EOGT: variants seen among roughly 807,000 people sequenced by gnomAD.
EOGT encodes the protein EGF domain-specific O-linked N-acetylglucosamine transferase.
Under a neutral mutation model 70.5 loss-of-function variants are expected in EOGT, and 55 were observed. That is an observed-to-expected ratio of 0.78 (90% CI 0.63 to 0.98). The LOEUF (loss-of-function observed/expected upper bound fraction) is 0.98. Among genes scored for constraint, EOGT ranks in the 50% least tolerant of loss-of-function variants. The probability of loss-of-function intolerance (pLI) is 0.00; values close to 1 mark genes in which losing one functional copy is unlikely to be tolerated. For missense variants in EOGT, 703 were observed against 641.9 expected (o/e 1.10, Z -1.03); for synonymous variants, 246 against 217.1 (o/e 1.13, Z -1.17).
intron 10 of EOGT, among the ~76,000 whole-genome samples, chr3:68,993,233 GCT>G (rs922982713): frequency 1.5e-4 from 23 of 152,284 alleles, no homozygotes; most frequent in African/African-American, 5.3e-4. Flanking sequence ...GAACTTTGAT[GCT>G]CTGTTTCCCT....
chr3:68,987,585 A>G, intron 13 of EOGT, 72 bp from the exon 14 acceptor site: 4 of 1,148,348 alleles, frequency 3.5e-6, no homozygotes, highest in Non-Finnish European at 5.2e-6. Flanking sequence ...TGAACCCAAA[A>G]TGTGATTTTC....
Position 68,988,969 on chromosome 3 carries a change from T to TA in EOGT, c.879dup (p.Thr294TyrfsTer2). On this transcript the variant is annotated frameshift_variant, in exon 11 of 18. Coordinates refer to ENST00000383701, the MANE Select transcript of EOGT (RefSeq NM_001278689.2). LOFTEE classifies it high-confidence loss of function. Reference sequence around the variant, plus strand: ...TTCAAATGTATAACGTCATAATCAGTAAATGCATTCCATGTGTCGGAGAAT... The same window carrying TA: ...TTCAAATGTATAACGTCATAATCAGTAAAATGCATTCCATGTGTCGGAGAAT... 1.3e-6 allele frequency: 2 copies of TA among 1,532,466 alleles called. No individual in the cohort carries two copies. Among genetic ancestry groups the TA allele is most frequent in the Non-Finnish European group, 1.7e-6 (2 of 1,145,046 alleles). The allele number at this position is 1,532,466 out of a possible 1,614,324, so 94.9% of individuals were successfully genotyped here. A position where few individuals can be genotyped will look rare whatever the true frequency, so the allele number is the denominator to read the frequency against.
chr3:68,988,826 G>T, intron 11 of EOGT, 99 bp downstream of exon 11: 1 of 672,204 alleles, frequency 1.5e-6, no homozygotes, highest in Non-Finnish European at 2.4e-6. Flanking sequence ...AGAAATCAGT[G>T]GTAATGGCTA....
chr3:68,979,696 G>T lies in EOGT; in HGVS notation c.1306C>A (p.Leu436Ile). ...HGAGLTHLLF[L>I]PDWAAVFELY... Reference sequence around the variant, plus strand: ...TCAAATACAGCAGCCCAGTCTGGAAGGAAAAGTAAATGGGTCAGACCAGCT... The same window carrying T: ...TCAAATACAGCAGCCCAGTCTGGAATGAAAAGTAAATGGGTCAGACCAGCT... The change falls in exon 16 of 18, where the codon CTT becomes ATT. Residue 436 changes from leucine to isoleucine, a missense_variant. Coordinates refer to ENST00000383701, the MANE Select transcript of EOGT (RefSeq NM_001278689.2). 6.2e-7 allele frequency: 1 copy of T among 1,613,882 alleles called. No homozygotes were observed. Among genetic ancestry groups the T allele is most frequent in the East Asian group, 2.2e-5 (1 of 44,826 alleles).
In EOGT at chr3:68,977,592, T is replaced by C. The variant is rs761730779; in HGVS notation, c.*26A>G. ...TGGGTGTTGGAGTGTTTAAACACTC[T>C]CTTTTTGCAAACAGACTCAGCATAT... On this transcript the variant is annotated 3_prime_UTR_variant, in exon 18 of 18. Transcript: ENST00000383701. 2 of 1,612,824 alleles carry C rather than the reference T, an allele frequency of 1.2e-6. No individual in the cohort carries two copies. The highest frequency in any genetic ancestry group is 1.7e-6 in the Non-Finnish European group (2 of 1,179,378).
At chr3:68,984,088 T>C (rs184105124) in intron 14 of EOGT, among the ~76,000 whole-genome samples, 30 of 152,328 alleles carry the variant, frequency 2.0e-4, no homozygotes, top group Non-Finnish European at 4.1e-4. Flanking sequence ...AGCTCCCAAA[T>C]GCACAGCCAA....
chr3:69,000,308 G>A (rs901210319), intron 9 of EOGT, among the ~76,000 whole-genome samples: 38 of 152,090 alleles, frequency 2.5e-4, no homozygotes, highest in Non-Finnish European at 1.6e-4. Flanking sequence ...AATGAGACAT[G>A]TCTACTCTAG....
In EOGT at chr3:68,999,271, T is replaced by C. The variant is rs116224647; in HGVS notation, c.728-1157A>G. The stretch of plus-strand genomic sequence containing the variant: ...TGAATGAAGACTAGCTGGATCCCAC[T>C]AGGTCAGATAGAGTGGAGAGGGTTG... On this transcript the variant is annotated intron_variant, in intron 9 of 17. Transcript: ENST00000383701. Among the ~76,000 whole-genome samples the C allele has an allele frequency of 1.7e-3, 260 of 152,326 alleles. 1 individual carries two copies. Among genetic ancestry groups the C allele is most frequent in the African/African-American group, 6.0e-3 (251 of 41,572 alleles).
At chr3:69,007,847 G>T in intron 5 of EOGT, 26 bp from the exon 6 acceptor site, 1 of 1,524,204 alleles carries the variant, frequency 6.6e-7, no homozygotes, top group South Asian at 1.2e-5. Flanking sequence ...AATATTCTGT[G>T]TTTTTTTCTT....
intron 15 of EOGT, among the ~76,000 whole-genome samples, chr3:68,980,460 T>C (rs897829896): frequency 6.6e-6 from 1 of 152,208 alleles, no homozygotes; most frequent in Non-Finnish European, 1.5e-5. Flanking sequence ...GTGTAAACTT[T>C]GAACCAAAAA....
At chr3:68,978,477 G>A in intron 16 of EOGT, 42 bp from the exon 17 acceptor site, 2 of 1,400,198 alleles carry the variant, frequency 1.4e-6, no homozygotes, top group South Asian at 1.3e-5. Context: ...TTTTGTCCAA[G>A]GTTTTTTCCA....
chr3:68,988,350 C>G lies in EOGT; in HGVS notation c.1028G>C (p.Arg343Thr), dbSNP rs761174000. The change falls in exon 13 of 18, where the codon AGG becomes ACG. Residue 343 changes from arginine (R) to threonine (T), a missense_variant. Transcript: ENST00000383701. The part of the protein sequence containing the change: ...ISGCQNTGLF[R>T]AFAQHVLHRL... ...GTGTAGTACATGCTGGGCAAATGCC[C>G]TGAATAGTCCAGTATTTTGACAGCC... 1 of 1,535,948 alleles carries G rather than the reference C, an allele frequency of 6.5e-7. No individual in the cohort carries two copies. The highest frequency in any genetic ancestry group is 8.7e-7 in the Non-Finnish European group (1 of 1,146,820).
chr3:68,994,154 T>A (rs561923396), intron 10 of EOGT, among the ~76,000 whole-genome samples: 2 of 152,296 alleles, frequency 1.3e-5, no homozygotes, highest in Non-Finnish European at 2.9e-5. Flanking sequence ...ATGTTATGAC[T>A]ATATTGTCAT....
At chr3:68,989,081 T>C (rs1001254301) in intron 10 of EOGT, 64 bp from the exon 11 acceptor site, 22 of 880,962 alleles carry the variant, frequency 2.5e-5, no homozygotes, top group Admixed American at 3.0e-5. Flanking sequence ...TTTTCAAAGA[T>C]GCAACAAAAT....
intron 10 of EOGT, among the ~76,000 whole-genome samples, chr3:68,996,594 C>A (rs1005726762): frequency 6.6e-6 from 1 of 152,172 alleles, no homozygotes; most frequent in African/African-American, 2.4e-5. Flanking sequence ...GATGTTGGCC[C>A]CTACAGGATA....
At chr3:68,992,171 A>G (rs6549168) in intron 10 of EOGT, among the ~76,000 whole-genome samples, 66,909 of 151,902 alleles carry the variant, frequency 0.44, 15,645 homozygotes, top group Non-Finnish European at 0.53. Flanking sequence ...CAGTCCCCCA[A>G]AAGTCTTAAC....
At position 69,007,514 on chromosome 3, in the gene EOGT, G is replaced by C. The variant is rs867133184; in HGVS notation, c.420+199C>G. On this transcript the variant is annotated intron_variant, in intron 6 of 17. Transcript: ENST00000383701. ...TAAAAATATAAAAATTAGCGGGGGG[G>C]GGTGGCACGCGCCTGTAATCCAAGC... is the stretch of plus-strand genomic sequence containing the variant. 3.9e-5 allele frequency among the ~76,000 whole-genome samples: 4 copies of C among 101,440 alleles called. 2 individuals carry two copies. Among genetic ancestry groups the C allele is most frequent in the Admixed American group, 2.1e-4 (2 of 9,340 alleles). 66.5% of individuals were successfully genotyped at this position (101,440 alleles called of 152,430 possible).
chr3:69,000,942 T>C (rs1049785643), intron 9 of EOGT, among the ~76,000 whole-genome samples: 6 of 152,148 alleles, frequency 3.9e-5, no homozygotes, highest in South Asian at 2.1e-4. Context: ...ACCCATACTA[T>C]ACACATGGCT....
At position 68,990,744 on chromosome 3, in the gene EOGT, A is replaced by G. The variant is rs548757183; in HGVS notation, c.832-1727T>C. On this transcript the variant is annotated intron_variant, in intron 10 of 17. Coordinates refer to ENST00000383701, the MANE Select transcript of EOGT (RefSeq NM_001278689.2). Reference sequence around the variant, plus strand: ...TCACTTAGATTGAAAAATTCAGCCAATAGAAATCAGAAATATGCATTGTAG... The same window carrying G: ...TCACTTAGATTGAAAAATTCAGCCAGTAGAAATCAGAAATATGCATTGTAG... 7.9e-5 allele frequency among the ~76,000 whole-genome samples: 12 copies of G among 152,330 alleles called. No homozygotes were observed. The East Asian group carries it at 1.9e-3, about 25-fold the overall frequency.
Sources: gnomAD v4.1 joint callset for allele counts (sites outside exome capture counted in the v4.1 genomes callset) on GRCh38, gnomAD v4.1.1 for gene constraint, MANE v1.5 for transcripts, NCBI Gene and HGNC (gene_info 2026-07-23, HGNC 2026-07-21) for gene names.